STK3: variants seen among roughly 807,000 people sequenced by gnomAD.
STK3 encodes serine/threonine-protein kinase 3.
In STK3, 41 loss-of-function variants were observed where a neutral mutation model predicts 58.0. The observed-to-expected ratio is 0.71, with a 90% CI of 0.55 to 0.92. The LOEUF (loss-of-function observed/expected upper bound fraction) is 0.92, where lower values mean the gene tolerates loss of function less well. Among genes scored for constraint, STK3 ranks in the 40% least tolerant of loss-of-function variants. The pLI, the probability that STK3 is intolerant of heterozygous loss-of-function variation, is 0.00. For synonymous variants in STK3, 170 were observed against 191.0 expected (o/e 0.89, Z 0.91); for missense variants, 479 against 602.7 (o/e 0.79, Z 2.15).
At chr8:98,893,421 G>GGAAAGAAAGAAA (rs1230218579) in intron 1 of STK3, among the ~76,000 whole-genome samples, 3 of 60,490 alleles carry the variant, frequency 5.0e-5, no homozygotes, top group Non-Finnish European at 1.0e-4. Context: ...AAGGAAGGAA[G>GGAAAGAAAGAAA]GAAAGAAAGA....
At chr8:98,423,663 G>A (rs1424774053) in intron 3 of STK3, among the ~76,000 whole-genome samples, 1 of 152,198 alleles carries the variant, frequency 6.6e-6, no homozygotes, top group East Asian at 1.9e-4. Flanking sequence ...AGGGCGGAAA[G>A]CACCTCTGTG....
intron 10 of STK3, among the ~76,000 whole-genome samples, chr8:98,496,526 C>G (rs996461027): frequency 4.6e-5 from 7 of 152,128 alleles, no homozygotes; most frequent in Non-Finnish European, 1.0e-4. Flanking sequence ...AATGCAATCC[C>G]TATGGAATCC....
At chr8:98,374,351 T>C (rs1322109875) in intron 2 of STK3, among the ~76,000 whole-genome samples, 1 of 152,052 alleles carries the variant, frequency 6.6e-6, no homozygotes, top group African/African-American at 2.4e-5. Flanking sequence ...CAACCACTCA[T>C]ATCTGGTGGC....
intron 8 of STK3, among the ~76,000 whole-genome samples, chr8:98,549,020 T>C (rs935381432): frequency 5.3e-5 from 8 of 152,186 alleles, no homozygotes; most frequent in African/African-American, 1.9e-4. Context: ...TTGATGGCCA[T>C]TTGGATTGTT....
At chr8:98,832,554 A>G (rs1474390921) in intron 3 of STK3, among the ~76,000 whole-genome samples, 1 of 152,170 alleles carries the variant, frequency 6.6e-6, no homozygotes, top group East Asian at 1.9e-4. Flanking sequence ...AAGTCTTTCA[A>G]AAGGAATAGT....
At chr8:98,349,543 C>G in the STK3 span, among the ~76,000 whole-genome samples, 2 of 152,234 alleles carry the variant, frequency 1.3e-5, no homozygotes, top group Non-Finnish European at 2.9e-5. Flanking sequence ...AGTGGGGACT[C>G]TCTATGGGGG....
At chr8:98,657,634 A>G (rs771536224) in intron 6 of STK3, among the ~76,000 whole-genome samples, 41 of 152,254 alleles carry the variant, frequency 2.7e-4, no homozygotes, top group Non-Finnish European at 4.0e-4. Flanking sequence ...CCTCACATGT[A>G]TAGAGAAATG....
In STK3 at chr8:98,800,120, C is replaced by T. The variant is rs560026136; in HGVS notation, c.27-25301G>A. On this transcript the variant is annotated intron_variant, in intron 1 of 10. Transcript: ENST00000419617. The surrounding 1 kb of genome is among the most constrained non-coding windows in gnomAD (Gnocchi z 4.8). ...CTAGGTCCCGTGGCAGCCATCTTGC[C>T]GCTACTCGCCTTTGGACCCTATATT... Among the ~76,000 whole-genome samples, 21 of 152,264 alleles carry T rather than the reference C, an allele frequency of 1.4e-4. No individual in the cohort carries two copies. Among genetic ancestry groups the T allele is most frequent in the East Asian group, 1.4e-3 (7 of 5,182 alleles).
At chr8:98,398,225 G>A (rs542931764), downstream of STK3, among the ~76,000 whole-genome samples, 6 of 152,216 alleles carry the variant, frequency 3.9e-5, no homozygotes, top group East Asian at 1.9e-4. Context: ...TTCCAGACCC[G>A]AGGCCATGCA....
At chr8:98,901,790 C>T (rs1321471246) in intron 1 of STK3, among the ~76,000 whole-genome samples, 1 of 152,210 alleles carries the variant, frequency 6.6e-6, no homozygotes, top group Non-Finnish European at 1.5e-5. Context: ...GTCTGAAATC[C>T]TCAGCCTTCA....
At chr8:98,456,482 G>A (rs1407860167) in intron 10 of STK3, among the ~76,000 whole-genome samples, 3 of 152,200 alleles carry the variant, frequency 2.0e-5, no homozygotes, top group Non-Finnish European at 4.4e-5. Flanking sequence ...TTTACTAAAT[G>A]CTTAATAAAG....
chr8:98,640,115 G>A (rs928189335), intron 6 of STK3, among the ~76,000 whole-genome samples: 12 of 151,968 alleles, frequency 7.9e-5, no homozygotes, highest in South Asian at 4.1e-4. Context: ...GTGCAGTGGC[G>A]CGATCACGGC....
intron 10 of STK3, among the ~76,000 whole-genome samples, chr8:98,488,619 A>G (rs116897705): frequency 1.3e-5 from 2 of 152,188 alleles, no homozygotes; most frequent in Admixed American, 6.5e-5. Flanking sequence ...AAAAAAATGC[A>G]TCATGTCTCA....
chr8:98,544,754 CATGTACTATT>C, intron 9 of STK3, among the ~76,000 whole-genome samples: 1 of 151,572 alleles, frequency 6.6e-6, no homozygotes, highest in South Asian at 2.1e-4. Context: ...ATTCCAAGAG[CATGTACTATT>C]ATGTGGCAGA....
chr8:98,759,336 G>A (rs1048655414), intron 3 of STK3, among the ~76,000 whole-genome samples: 10 of 147,102 alleles, frequency 6.8e-5, no homozygotes, highest in Non-Finnish European at 7.6e-5. Flanking sequence ...AGGAAAGCCT[G>A]AGGAAAGGAA....
intron 10 of STK3, among the ~76,000 whole-genome samples, chr8:98,469,531 G>A (rs1251556114): frequency 2.0e-5 from 3 of 152,182 alleles, no homozygotes; most frequent in Non-Finnish European, 4.4e-5. Context: ...GGAAGCAGAG[G>A]CAGAGAACTG....
At chr8:98,804,690 A>T (rs538988222) in intron 1 of STK3, among the ~76,000 whole-genome samples, 1 of 152,362 alleles carries the variant, frequency 6.6e-6, no homozygotes, top group Non-Finnish European at 1.5e-5. Context: ...AGGATTCAGT[A>T]GTTTCTCTTC....
At chr8:98,817,380 T>C (rs1834622906) in intron 1 of STK3, among the ~76,000 whole-genome samples, 1 of 146,330 alleles carries the variant, frequency 6.8e-6, no homozygotes, top group African/African-American at 2.5e-5. Context: ...CTTGAACCTA[T>C]AAGGCGGAGG....
intron 4 of STK3, among the ~76,000 whole-genome samples, chr8:98,720,472 C>T (rs1468000940): frequency 6.6e-6 from 1 of 151,978 alleles, no homozygotes; most frequent in African/African-American, 2.4e-5. Flanking sequence ...AAACTGGGGC[C>T]AGGCACGGTG....
Sources: gnomAD v4.1 joint callset for allele counts (sites outside exome capture counted in the v4.1 genomes callset) on GRCh38, gnomAD v4.1.1 for gene constraint, Gnocchi (gnomAD v3.1) non-coding constraint, MANE v1.5 for transcripts, NCBI Gene and HGNC (gene_info 2026-07-23, HGNC 2026-07-21) for gene names.